TGFB3: variants seen among roughly 807,000 people sequenced by gnomAD.
TGFB3 encodes the protein transforming growth factor beta-3 proprotein.
In TGFB3, 5 loss-of-function variants were observed where a neutral mutation model predicts 40.1. That is an observed-to-expected ratio of 0.12 (90% CI 0.07 to 0.26). TGFB3 has a LOEUF of 0.26. TGFB3 is among the 10% of genes least tolerant of loss of function. The pLI is 1.00. For synonymous variants in TGFB3, 184 were observed against 205.6 expected, an observed-to-expected ratio of 0.89 and a Z score of 0.90; for missense variants, 373 against 530.1, an observed-to-expected ratio of 0.70 and a Z score of 2.91.
At chr14:75,961,874 T>G (rs1007404413) in intron 5 of TGFB3, among the ~76,000 whole-genome samples, 1 of 152,140 alleles carries the variant, frequency 6.6e-6, no homozygotes, top group South Asian at 2.1e-4. Context: ...CTGTCCTCCC[T>G]TGAGAGTAGC....
chr14:75,961,249 G>T lies in TGFB3; in HGVS notation c.927-173C>A, dbSNP rs985871303. Among the ~76,000 whole-genome samples, 34 of 152,348 alleles carry T rather than the reference G, an allele frequency of 2.2e-4. 1 individual carries two copies. Among genetic ancestry groups the T allele is most frequent in the Non-Finnish European group, 1.6e-4 (11 of 68,036 alleles). ...GAAGAAACCAGAAAGGCACATTCAT[G>T]TGTTAAAGACCAGGATCCCAAGGAT... On this transcript the variant is annotated intron_variant, in intron 5 of 6. Coordinates refer to ENST00000238682, the MANE Select transcript of TGFB3 (RefSeq NM_003239.5).
At chr14:75,959,452 A>G in intron 6 of TGFB3, 107 bp from the exon 7 acceptor site, 2 of 1,363,532 alleles carry the variant, frequency 1.5e-6, no homozygotes, top group South Asian at 2.4e-5. Flanking sequence ...CAAGTGCTAG[A>G]ATGGCCACGG....
At chr14:75,975,919 AC>A (rs1241321656) in intron 1 of TGFB3, among the ~76,000 whole-genome samples, 1 of 152,254 alleles carries the variant, frequency 6.6e-6, no homozygotes, top group African/African-American at 2.4e-5. Context: ...TGAGAGCTGG[AC>A]TAGGGGGTCC....
intron 1 of TGFB3, among the ~76,000 whole-genome samples, chr14:75,975,398 A>AG (rs2035342487): frequency 6.6e-6 from 1 of 152,248 alleles, no homozygotes. Context: ...ATTAAAAAAA[A>AG]GAATTGCCTG....
chr14:75,959,280 G>A lies in TGFB3; in HGVS notation c.1146C>T (p.Asp382=), dbSNP rs1595336694. The A allele has an allele frequency of 6.2e-7, 1 of 1,614,172 alleles. No homozygotes were observed. Among genetic ancestry groups the A allele is most frequent in the Non-Finnish European group, 8.5e-7 (1 of 1,180,030 alleles). Residue 382 remains aspartate, a synonymous_variant, in exon 7 of 7, where the codon GAC becomes GAT. Coordinates refer to ENST00000238682, the MANE Select transcript of TGFB3 (RefSeq NM_003239.5). ...AGTACAGGATGGTCAGGGGCTCCAG[G>A]TCCTGGGGCACGCAGCAAGGCGAGG... The part of the protein sequence containing the change: ...ASASPCCVPQ[D]LEPLTILYYV...
chr14:75,981,251 A>G lies in TGFB3; in HGVS notation c.-358T>C. On this transcript the variant is annotated 5_prime_UTR_variant, in exon 1 of 7. Transcript: ENST00000238682. The surrounding 1 kb of genome is among the most constrained non-coding windows in gnomAD (Gnocchi z 4.7). ...GGGAAGGGAGCTGGAGTTTTTCCTT[A>G]GGTAAAAATAAATAGAGTGGATATC... 1 of 363,160 alleles carries G rather than the reference A, an allele frequency of 2.8e-6. No homozygotes were observed. Among genetic ancestry groups the G allele is most frequent in the Non-Finnish European group, 5.2e-6 (1 of 190,632 alleles). 22.5% of individuals were successfully genotyped at this position (363,160 alleles called of 1,614,324 possible).
At chr14:75,982,218 C>T (rs1472567182), upstream of TGFB3, among the ~76,000 whole-genome samples, 1 of 152,256 alleles carries the variant, frequency 6.6e-6, no homozygotes, top group Non-Finnish European at 1.5e-5. The surrounding 1 kb of genome is among the most constrained non-coding windows in gnomAD (Gnocchi z 4.0). Context: ...ACTCCTGCCA[C>T]ACGTTGGCTG....
chr14:75,978,186 T>A lies in TGFB3; in HGVS notation c.352+2356A>T, dbSNP rs373977796. 1.8e-4 allele frequency among the ~76,000 whole-genome samples: 27 copies of A among 152,248 alleles called. No individual in the cohort carries two copies. The South Asian group carries it at 5.4e-3, about 30-fold the overall frequency. ...AAGTGAGGAAATATGGAACAGAACG[T>A]GATCTCATGACCTCCCAGCAGAGGC... On this transcript the variant is annotated intron_variant, in intron 1 of 6. Transcript: ENST00000238682. This position sits in a 1 kb window ranked among gnomAD's most constrained non-coding sequence, Gnocchi z 5.0.
At chr14:75,963,583 G>T (rs2035186313) in intron 4 of TGFB3, 96 bp from the exon 5 acceptor site, 3 of 1,460,596 alleles carry the variant, frequency 2.1e-6, no homozygotes, top group Non-Finnish European at 2.9e-6. Flanking sequence ...CCCAGGAGGA[G>T]GGGCAGTGCA....
chr14:75,963,188 C>CTGTT, intron 5 of TGFB3, 128 bp downstream of exon 5: 1 of 1,064,250 alleles, frequency 9.4e-7, no homozygotes, highest in Non-Finnish European at 1.4e-6. Context: ...TTTCAGTCTT[C>CTGTT]TTCCTGGAGA....
At chr14:75,973,796 C>T (rs1365884508) in intron 1 of TGFB3, among the ~76,000 whole-genome samples, 1 of 151,948 alleles carries the variant, frequency 6.6e-6, no homozygotes, top group Admixed American at 6.6e-5. Flanking sequence ...GCTCCAGTGA[C>T]TACAAGAGGA....
In TGFB3 at chr14:75,981,543, T is replaced by C. The variant is rs577620458; in HGVS notation, c.-650A>G. 6.3e-6 allele frequency: 1 copy of C among 157,560 alleles called. No homozygotes were observed. Among genetic ancestry groups the C allele is most frequent in the Admixed American group, 6.1e-5 (1 of 16,296 alleles). The allele number at this position is 157,560 out of a possible 1,614,324, so 9.8% of individuals were successfully genotyped here. ...ACTTGTCTCTCAGGCACTCCATTCA[T>C]GCTTTCTCTTTTGTTTACACTTCCT... On this transcript the variant is annotated 5_prime_UTR_variant, in exon 1 of 7. The change abolishes an upstream ATG in the 5' untranslated region. Transcript: ENST00000238682. This position sits in a 1 kb window ranked among gnomAD's most constrained non-coding sequence, Gnocchi z 4.7.
chr14:75,978,503 C>T lies in TGFB3; in HGVS notation c.352+2039G>A, dbSNP rs1489287402. ...AACAGCTGCAGAGTCTGCCTGCTTC[C>T]GGTTTGTACCTGTGAGCCTCATAGC... On this transcript the variant is annotated intron_variant, in intron 1 of 6. Coordinates refer to ENST00000238682, the MANE Select transcript of TGFB3 (RefSeq NM_003239.5). The surrounding 1 kb of genome is among the most constrained non-coding windows in gnomAD (Gnocchi z 5.0). 6.6e-6 allele frequency among the ~76,000 whole-genome samples: 1 copy of T among 152,232 alleles called. No homozygotes were observed. The highest frequency in any genetic ancestry group is 1.5e-5 in the Non-Finnish European group (1 of 68,044).
Position 75,980,448 on chromosome 14 carries a change from T to C in TGFB3, c.352+94A>G. ...GGTGCTGGTGAATCCTGGGGCACCC[T>C]GCTGTGTGGCCAGCACTAGGCCCCC... On this transcript the variant is annotated intron_variant, in intron 1 of 6. Coordinates refer to ENST00000238682, the MANE Select transcript of TGFB3 (RefSeq NM_003239.5). The surrounding 1 kb of genome is among the most constrained non-coding windows in gnomAD (Gnocchi z 4.3). 7.7e-7 allele frequency: 1 copy of C among 1,301,786 alleles called. No homozygotes were observed. The highest frequency in any genetic ancestry group is 1.1e-6 in the Non-Finnish European group (1 of 899,346). 80.6% of individuals were successfully genotyped at this position (1,301,786 alleles called of 1,614,324 possible).
intron 3 of TGFB3, among the ~76,000 whole-genome samples, chr14:75,967,303 G>A (rs1247996313): frequency 6.6e-6 from 1 of 152,232 alleles, no homozygotes; most frequent in Non-Finnish European, 1.5e-5. Flanking sequence ...TGCTGAGCTT[G>A]AAGATCTCTG....
At position 75,958,916 on chromosome 14, in the gene TGFB3, C is replaced by T; in HGVS notation, c.*271G>A. On this transcript the variant is annotated 3_prime_UTR_variant, in exon 7 of 7. Coordinates refer to ENST00000238682, the MANE Select transcript of TGFB3 (RefSeq NM_003239.5). ...ACTTACCATCCCTTTCCTCTATCCC[C>T]ATCCCCTCTGTCTGCGTCACAGAAA... The T allele has an allele frequency of 2.2e-6, 1 of 460,394 alleles. No individual in the cohort carries two copies. The allele number at this position is 460,394 out of a possible 1,614,324, so 28.5% of individuals were successfully genotyped here.
intron 4 of TGFB3, 46 bp downstream of exon 4, chr14:75,965,542 C>T: frequency 1.3e-6 from 2 of 1,519,070 alleles, no homozygotes; most frequent in Non-Finnish European, 1.8e-6. Flanking sequence ...GTCCCATTAA[C>T]TTCCCCCCCA....
At chr14:75,968,862 C>T (rs146893704) in intron 3 of TGFB3, among the ~76,000 whole-genome samples, 12 of 152,230 alleles carry the variant, frequency 7.9e-5, no homozygotes, top group Admixed American at 2.0e-4. Context: ...AATGCAAACT[C>T]GATGGCTACC....
chr14:75,973,090 C>A (rs1319620931), intron 1 of TGFB3, among the ~76,000 whole-genome samples: 1 of 152,232 alleles, frequency 6.6e-6, no homozygotes, highest in Admixed American at 6.5e-5. Flanking sequence ...TTGACAGCCT[C>A]AAGGTCTGAG....
Sources: allele counts gnomAD v4.1 joint callset (sites outside exome capture counted in the v4.1 genomes callset), GRCh38; gene constraint gnomAD v4.1.1; non-coding constraint Gnocchi (gnomAD v3.1); transcripts MANE v1.5; gene names NCBI Gene and HGNC (gene_info 2026-07-23, HGNC 2026-07-21).